The following CADM2 variants were observed in gnomAD, a reference collection of about 807,000 sequenced individuals.
CADM2 encodes immunoglobulin superfamily member 4D.
Under a neutral mutation model 49.8 loss-of-function variants are expected in CADM2, and 12 were observed. That is an observed-to-expected ratio of 0.24 (90% confidence interval 0.15 to 0.39). The LOEUF is 0.39. Among genes scored for constraint, CADM2 ranks in the 10% least tolerant of loss-of-function variants. The pLI, the probability that CADM2 is intolerant of heterozygous loss-of-function variation, is 1.00. For synonymous variants in CADM2, 214 were observed against 175.4 expected, an observed-to-expected ratio of 1.22 and a Z score of -1.74; for missense variants, 378 against 492.3, an observed-to-expected ratio of 0.77 and a Z score of 2.20.
intron 1 of CADM2, among the ~76,000 whole-genome samples, chr3:85,546,073 T>G (rs754158500): frequency 6.6e-6 from 1 of 152,160 alleles, no homozygotes; most frequent in Admixed American, 6.5e-5. Flanking sequence ...CAGCTCCTCA[T>G]ACAGTAATAC....
At chr3:85,407,581 A>T (rs1284000642) in intron 1 of CADM2, among the ~76,000 whole-genome samples, 1 of 152,122 alleles carries the variant, frequency 6.6e-6, no homozygotes, top group African/African-American at 2.4e-5. Context: ...TTTCTGCATG[A>T]CTTTTTGCTC....
In CADM2 at chr3:85,031,089, C is replaced by T. The variant is rs140127980; in HGVS notation, c.61+71421C>T. Among the ~76,000 whole-genome samples the T allele has an allele frequency of 2.5e-3, 378 of 152,246 alleles. 4 individuals are homozygous for T. Among genetic ancestry groups the T allele is most frequent in the African/African-American group, 8.9e-3 (369 of 41,536 alleles). ...ACTGGACTAGGAGGCAGATAAAGCC[C>T]TCTGGAAAGGACGGCCTGACAGTGA... On this transcript the variant is annotated intron_variant, in intron 1 of 9. Transcript: ENST00000383699.
rs752211637 is a variant in CADM2 at position 85,107,017 on chromosome 3, C to A, written c.61+147349C>A. Among the ~76,000 whole-genome samples, 24 of 152,036 alleles carry A rather than the reference C, an allele frequency of 1.6e-4. 1 individual carries two copies. The highest frequency in any genetic ancestry group is 2.5e-4 in the Non-Finnish European group (17 of 68,014). On this transcript the variant is annotated intron_variant, in intron 1 of 9. Transcript: ENST00000383699. The stretch of plus-strand genomic sequence containing the variant: ...GGAGGGACGAAAAGAAAAAGTGGGA[C>A]AGGGAGACAGAAGCAGCCAAAGAGG...
intron 7 of CADM2, among the ~76,000 whole-genome samples, chr3:85,942,913 G>A (rs1422971084): frequency 1.8e-4 from 27 of 152,026 alleles, no homozygotes; most frequent in Non-Finnish European, 3.4e-4. Flanking sequence ...TCGCCACACC[G>A]ACTTCCACAA....
At chr3:85,410,628 A>G (rs1010287811) in intron 1 of CADM2, among the ~76,000 whole-genome samples, 1 of 152,178 alleles carries the variant, frequency 6.6e-6, no homozygotes, top group Non-Finnish European at 1.5e-5. Flanking sequence ...AGTTTTGCCG[A>G]AACAGTTAAA....
chr3:85,294,145 A>G (rs2043885320), intron 1 of CADM2, among the ~76,000 whole-genome samples: 1 of 152,064 alleles, frequency 6.6e-6, no homozygotes, highest in South Asian at 2.1e-4. Flanking sequence ...TACACCAACA[A>G]CAGACAAACA....
intron 8 of CADM2, among the ~76,000 whole-genome samples, chr3:86,024,848 C>G (rs1165311332): frequency 6.6e-6 from 1 of 151,692 alleles, no homozygotes; most frequent in African/African-American, 2.4e-5. Flanking sequence ...TAGGATCTTA[C>G]ACATGTATCT....
At chr3:85,709,281 A>C (rs2067042132) in intron 1 of CADM2, among the ~76,000 whole-genome samples, 1 of 152,184 alleles carries the variant, frequency 6.6e-6, no homozygotes, top group African/African-American at 2.4e-5. Context: ...AATTTAAACA[A>C]AAATTTGTTT....
intron 8 of CADM2, among the ~76,000 whole-genome samples, chr3:86,020,178 A>G (rs1029345041): frequency 1.3e-5 from 2 of 152,178 alleles, no homozygotes; most frequent in African/African-American, 4.8e-5. Context: ...CCACAGAAAT[A>G]CAAACTACCA....
intron 1 of CADM2, among the ~76,000 whole-genome samples, chr3:85,416,955 C>T (rs1576515071): frequency 6.6e-6 from 1 of 151,952 alleles, no homozygotes; most frequent in South Asian, 2.1e-4. Flanking sequence ...ACTATCTCAG[C>T]TTTTTCAATT....
At chr3:85,320,882 A>C (rs1328252453) in intron 1 of CADM2, among the ~76,000 whole-genome samples, 1 of 151,382 alleles carries the variant, frequency 6.6e-6, no homozygotes, top group African/African-American at 2.4e-5. Context: ...AAGGAAGTAC[A>C]CTGAAAATGA....
intron 1 of CADM2, among the ~76,000 whole-genome samples, chr3:85,100,548 C>G (rs945378930): frequency 6.6e-6 from 1 of 152,114 alleles, no homozygotes; most frequent in Non-Finnish European, 1.5e-5. Context: ...TTGGGTTACA[C>G]ATAGTTTTCA....
intron 3 of CADM2, among the ~76,000 whole-genome samples, chr3:85,837,607 A>T (rs1334290071): frequency 6.6e-6 from 1 of 151,620 alleles, no homozygotes; most frequent in Admixed American, 6.6e-5. Flanking sequence ...GACATGCTTC[A>T]GCAATCATTT....
chr3:85,476,690 A>C (rs1270912122), intron 1 of CADM2, among the ~76,000 whole-genome samples: 1 of 151,924 alleles, frequency 6.6e-6, no homozygotes, highest in Non-Finnish European at 1.5e-5. Flanking sequence ...GTTGCAAAAC[A>C]AAGAGTAAAC....
chr3:85,883,932 C>T (rs1713186493), intron 4 of CADM2, among the ~76,000 whole-genome samples: 1 of 152,152 alleles, frequency 6.6e-6, no homozygotes, highest in African/African-American at 2.4e-5. Flanking sequence ...TTAAATGACC[C>T]TGATATTTCC....
At chr3:85,845,066 G>A (rs950172812) in intron 3 of CADM2, among the ~76,000 whole-genome samples, 1 of 150,846 alleles carries the variant, frequency 6.6e-6, no homozygotes, top group Non-Finnish European at 1.5e-5. Context: ...AATACAAGGA[G>A]GTTCACTTGA....
Position 86,023,419 on chromosome 3 carries a change from G to A in CADM2, c.971-42186G>A, listed in dbSNP as rs1013797687. Reference sequence around the variant, plus strand: ...TTTTTTGAGACAGAGTTTTGCTCTTGTTGCCCATGGCTCACTGCAACCTCC... The same window carrying A: ...TTTTTTGAGACAGAGTTTTGCTCTTATTGCCCATGGCTCACTGCAACCTCC... On this transcript the variant is annotated intron_variant, in intron 8 of 9. Coordinates refer to ENST00000383699, the MANE Select transcript of CADM2 (RefSeq NM_001167675.2). Among the ~76,000 whole-genome samples the A allele has an allele frequency of 3.9e-5, 6 of 152,042 alleles. No homozygotes were observed. The East Asian group carries it at 1.2e-3, about 29-fold the overall frequency.
intron 1 of CADM2, among the ~76,000 whole-genome samples, chr3:85,551,303 T>C (rs565949837): frequency 6.6e-6 from 1 of 152,280 alleles, no homozygotes; most frequent in African/African-American, 2.4e-5. Context: ...TTCTTAGCAA[T>C]CCTTCAGCAA....
At chr3:85,498,521 A>C (rs1432138153) in intron 1 of CADM2, among the ~76,000 whole-genome samples, 1 of 152,208 alleles carries the variant, frequency 6.6e-6, no homozygotes, top group Non-Finnish European at 1.5e-5. Flanking sequence ...TCGAGATTGC[A>C]TCTGATTTTT....
Sources: allele counts gnomAD v4.1 joint callset (sites outside exome capture counted in the v4.1 genomes callset), GRCh38; gene constraint gnomAD v4.1.1; transcripts MANE v1.5; gene names NCBI Gene and HGNC (gene_info 2026-07-23, HGNC 2026-07-21).